FAM118B: variants seen among roughly 807,000 people sequenced by gnomAD.
FAM118B encodes SIR2 antiphage like 1, also known as protein FAM118B.
Under a neutral mutation model 38.5 loss-of-function variants are expected in FAM118B, and 24 were observed. That is an observed-to-expected ratio of 0.62 (90% CI 0.45 to 0.88). FAM118B has a LOEUF of 0.88. Among genes scored for constraint, FAM118B ranks in the 40% least tolerant of loss-of-function variants. The pLI, the probability that FAM118B is intolerant of heterozygous loss-of-function variation, is 0.00. For synonymous variants in FAM118B, 138 were observed against 156.3 expected, an observed-to-expected ratio of 0.88 and a Z score of 0.87; for missense variants, 334 against 420.0, an observed-to-expected ratio of 0.80 and a Z score of 1.79.
intron 6 of FAM118B, among the ~76,000 whole-genome samples, chr11:126,254,739 T>C (rs1435892792): frequency 1.3e-5 from 2 of 152,192 alleles, no homozygotes; most frequent in African/African-American, 2.4e-5. Flanking sequence ...GGCAGGAAGA[T>C]TAGTTGAGAC....
intron 1 of FAM118B, among the ~76,000 whole-genome samples, chr11:126,217,723 G>A (rs1381296075): frequency 1.3e-5 from 2 of 151,978 alleles, no homozygotes; most frequent in African/African-American, 4.8e-5. Flanking sequence ...CCTCTTTCTG[G>A]GCTTATGTCT....
chr11:126,241,558 A>T (rs187345246), intron 4 of FAM118B, among the ~76,000 whole-genome samples: 1,674 of 151,118 alleles, frequency 0.011, 33 homozygotes, highest in East Asian at 0.054. Flanking sequence ...TTATTTATTT[A>T]TTTATTTTTT....
intron 7 of FAM118B, chr11:126,260,738 C>T (rs1176688021): frequency 6.6e-6 from 1 of 152,132 alleles, no homozygotes; most frequent in Non-Finnish European, 1.5e-5. Flanking sequence ...AGTACCATGC[C>T]TGTTTATACT....
chr11:126,250,635 G>T lies in FAM118B; in HGVS notation c.469G>T (p.Ala157Ser). 2 of 1,614,072 alleles carry T rather than the reference G, an allele frequency of 1.2e-6. No homozygotes were observed. The highest frequency in any genetic ancestry group is 1.7e-6 in the Non-Finnish European group (2 of 1,179,956). ...QSVLHLMENG[A>S]LVLTTNFDNL... is the part of the protein sequence containing the mutation. ...AGTTCTCCACCTGATGGAAAATGGA[G>T]CCCTCGTATTAACTACAAATTTTGA... The change falls in exon 5 of 9, where the codon GCC becomes TCC. Residue 157 changes from alanine to serine, a missense_variant. Coordinates refer to ENST00000533050, the MANE Select transcript of FAM118B (RefSeq NM_024556.4). The surrounding 1 kb of genome is among the most constrained non-coding windows in gnomAD (Gnocchi z 5.1).
chr11:126,235,859 A>G (rs756077317), intron 3 of FAM118B, among the ~76,000 whole-genome samples: 7 of 129,838 alleles, frequency 5.4e-5, no homozygotes, highest in Non-Finnish European at 1.1e-4. Context: ...TTACGACTGT[A>G]TAAGTAGTAT....
Position 126,255,399 on chromosome 11 carries a change from TC to T in FAM118B, c.696+967del, listed in dbSNP as rs1202124534. 1.3e-5 allele frequency among the ~76,000 whole-genome samples: 2 copies of T among 152,204 alleles called. No homozygotes were observed. The highest frequency in any genetic ancestry group is 4.8e-5 in the African/African-American group (2 of 41,450). On this transcript the variant is annotated intron_variant, in intron 6 of 8. Coordinates refer to ENST00000533050, the MANE Select transcript of FAM118B (RefSeq NM_024556.4). This position sits in a 1 kb window ranked among gnomAD's most constrained non-coding sequence, Gnocchi z 4.6. ...GGGACTTTTTTTTCTTTTTACCCAT[TC>T]TTTCCCAACATCTGCCATAACTGCA...
At chr11:126,234,116 A>T (rs1950241967) in intron 2 of FAM118B, among the ~76,000 whole-genome samples, 1 of 152,238 alleles carries the variant, frequency 6.6e-6, no homozygotes, top group Admixed American at 6.5e-5. Context: ...CTAATAAAAC[A>T]GTAAACTTGC....
At chr11:126,248,964 T>C (rs970864787) in intron 4 of FAM118B, among the ~76,000 whole-genome samples, 4 of 152,260 alleles carry the variant, frequency 2.6e-5, no homozygotes, top group African/African-American at 9.6e-5. Context: ...GTCTTTTCAG[T>C]TGTAAAGCCA....
At chr11:126,219,311 C>T (rs1283055650) in intron 1 of FAM118B, among the ~76,000 whole-genome samples, 2 of 125,158 alleles carry the variant, frequency 1.6e-5, no homozygotes, top group East Asian at 2.4e-4. Context: ...TTGTTTTCCT[C>T]GTTTATTTTG....
chr11:126,214,819 A>G (rs1210704746), intron 1 of FAM118B, among the ~76,000 whole-genome samples: 4 of 152,222 alleles, frequency 2.6e-5, no homozygotes, highest in Non-Finnish European at 5.9e-5. Context: ...TTCCTAGTCT[A>G]TTCAGGAACA....
intron 4 of FAM118B, among the ~76,000 whole-genome samples, chr11:126,241,458 A>G (rs1411047876): frequency 6.6e-6 from 1 of 152,206 alleles, no homozygotes; most frequent in Non-Finnish European, 1.5e-5. Context: ...TAGAGGTAAT[A>G]AGTCAAAATA....
chr11:126,260,352 G>A (rs1565342549), intron 7 of FAM118B: 1 of 151,328 alleles, frequency 6.6e-6, no homozygotes, highest in Non-Finnish European at 1.5e-5. Flanking sequence ...TTCTGATGAA[G>A]TTTTCCCTGT....
chr11:126,231,382 A>G (rs1237010959), intron 2 of FAM118B, among the ~76,000 whole-genome samples: 1 of 152,042 alleles, frequency 6.6e-6, no homozygotes, highest in East Asian at 1.9e-4. Context: ...CAATAACTGC[A>G]TTTTGTTTAG....
rs1355683395 is a variant in FAM118B at position 126,250,383 on chromosome 11, GC to G, written c.340-121del. 7.5e-6 allele frequency: 5 copies of G among 667,534 alleles called. No individual in the cohort carries two copies. The highest frequency in any genetic ancestry group is 1.3e-5 in the Non-Finnish European group (5 of 390,814). The allele number at this position is 667,534 out of a possible 1,614,324, so 41.4% of individuals were successfully genotyped here. ...TGGGATTACAGGCGTGAGCCACTGC[GC>G]CTGGCCTTTATCTCTGTTTTGAATT... On this transcript the variant is annotated intron_variant, in intron 4 of 8. Transcript: ENST00000533050. The surrounding 1 kb of genome is among the most constrained non-coding windows in gnomAD (Gnocchi z 5.1).
At chr11:126,261,859 CTG>C (rs1434888502) in intron 8 of FAM118B, among the ~76,000 whole-genome samples, 1 of 151,956 alleles carries the variant, frequency 6.6e-6, no homozygotes, top group Non-Finnish European at 1.5e-5. Flanking sequence ...AGGTCTGGTG[CTG>C]TGTGCCTATA....
At position 126,256,538 on chromosome 11, in the gene FAM118B, T is replaced by C; in HGVS notation, c.697-29T>C. ...ACTTGCCTTGAGTGTGTCTTCACAA[T>C]GTCAATATGTTGTATCTTTTCCTTC... On this transcript the variant is annotated intron_variant, in intron 6 of 8. Transcript: ENST00000533050. This position sits in a 1 kb window ranked among gnomAD's most constrained non-coding sequence, Gnocchi z 6.6. 1.9e-6 allele frequency: 3 copies of C among 1,604,272 alleles called. No individual in the cohort carries two copies. Among genetic ancestry groups the C allele is most frequent in the African/African-American group, 1.3e-5 (1 of 74,562 alleles).
At chr11:126,215,880 A>T (rs1284315208) in intron 1 of FAM118B, among the ~76,000 whole-genome samples, 1 of 151,718 alleles carries the variant, frequency 6.6e-6, no homozygotes, top group Non-Finnish European at 1.5e-5. Context: ...ATGGTGACGC[A>T]CCTATGGTCC....
chr11:126,214,503 G>GTTTTTTGTTTTTTTTTT (rs1949947993), intron 1 of FAM118B: 1 of 28,258 alleles, frequency 3.5e-5, no homozygotes, highest in Non-Finnish European at 7.5e-5. Context: ...TTTTTTTTTT[G>GTTTTTTGTTTTTTTTTT]TTTTTTTTTT....
chr11:126,211,727 G>A (rs552401589), upstream of FAM118B: 31 of 1,451,236 alleles, frequency 2.1e-5, no homozygotes, highest in South Asian at 1.3e-4. Flanking sequence ...AGGTCACGTG[G>A]TGCGGGGTGG....
Sources: allele counts gnomAD v4.1 joint callset (sites outside exome capture counted in the v4.1 genomes callset), GRCh38; gene constraint gnomAD v4.1.1; non-coding constraint Gnocchi (gnomAD v3.1); transcripts MANE v1.5; gene names NCBI Gene and HGNC (gene_info 2026-07-23, HGNC 2026-07-21).